The following DAB1 variants were observed in gnomAD, a reference collection of about 807,000 sequenced individuals.
The protein encoded by DAB1 is disabled homolog 1.
A neutral mutation model predicts 64.6 loss-of-function variants in DAB1; 15 were observed. That is an observed-to-expected ratio of 0.23 (90% CI 0.16 to 0.36). The LOEUF (loss-of-function observed/expected upper bound fraction) is 0.36. Ranked by LOEUF, DAB1 falls within the 10% of genes least tolerant of loss-of-function variation. DAB1 has a pLI of 1.00. For synonymous variants in DAB1, 235 were observed against 251.9 expected (o/e 0.93, Z 0.64); for missense variants, 596 against 706.7 (o/e 0.84, Z 1.78).
chr1:57,758,994 T>C (rs1412421375), intron 6 of DAB1, among the ~76,000 whole-genome samples: 4 of 152,224 alleles, frequency 2.6e-5, no homozygotes, highest in Non-Finnish European at 5.9e-5. Flanking sequence ...CTCAGCTCTT[T>C]AGCTACATTA....
chr1:58,213,003 A>G (rs1658636803), intron 4 of DAB1, among the ~76,000 whole-genome samples: 2 of 152,174 alleles, frequency 1.3e-5, no homozygotes, highest in African/African-American at 2.4e-5. Flanking sequence ...TAAAAAGCTA[A>G]AATAACTTCC....
At chr1:57,418,293 T>C (rs912784664) in intron 1 of DAB1, among the ~76,000 whole-genome samples, 1 of 151,868 alleles carries the variant, frequency 6.6e-6, no homozygotes, top group Non-Finnish European at 1.5e-5. Context: ...CTAACATGAA[T>C]AAAAACAAAG....
intron 1 of DAB1, among the ~76,000 whole-genome samples, chr1:57,348,433 T>C (rs1678296480): frequency 6.6e-6 from 1 of 152,112 alleles, no homozygotes; most frequent in South Asian, 2.1e-4. Context: ...TGCCAAATAT[T>C]CATAAGGTAG....
In DAB1 at chr1:57,415,360, A is replaced by G. The variant is rs373861562; in HGVS notation, c.-137+8570T>C. ...AACAATAAAGCTTTTAGAAGACAAC[A>G]AAGGAGAATATCTTCATGACATCAG... On this transcript the variant is annotated intron_variant, in intron 1 of 14. Transcript: ENST00000371236. Among the ~76,000 whole-genome samples, 9 of 152,190 alleles carry G rather than the reference A, an allele frequency of 5.9e-5. No individual in the cohort carries two copies. The South Asian group carries it at 1.0e-3, about 18-fold the overall frequency.
chr1:57,777,163 T>C (rs1268998707), intron 6 of DAB1, among the ~76,000 whole-genome samples: 1 of 147,488 alleles, frequency 6.8e-6, no homozygotes, highest in African/African-American at 2.5e-5. Flanking sequence ...TTTTTTTGGA[T>C]TAAAAAAAAT....
At chr1:58,414,386 A>G (rs1644697655) in intron 3 of DAB1, among the ~76,000 whole-genome samples, 2 of 152,216 alleles carry the variant, frequency 1.3e-5, no homozygotes, top group Non-Finnish European at 2.9e-5. Flanking sequence ...AGCATCTTCC[A>G]GCATAGGACT....
At chr1:57,749,563 G>A (rs905131793) in intron 6 of DAB1, among the ~76,000 whole-genome samples, 4 of 152,120 alleles carry the variant, frequency 2.6e-5, no homozygotes, top group Non-Finnish European at 5.9e-5. Context: ...CCAGTAAGCC[G>A]CAGGGCATGT....
At chr1:57,585,191 G>A (rs1645363319) in intron 7 of DAB1, among the ~76,000 whole-genome samples, 1 of 136,562 alleles carries the variant, frequency 7.3e-6, no homozygotes, top group Non-Finnish European at 1.5e-5. Context: ...GGAGGGTGCA[G>A]TGAGCCAAGA....
chr1:58,229,491 C>T (rs1369686600), intron 4 of DAB1, among the ~76,000 whole-genome samples: 1 of 152,126 alleles, frequency 6.6e-6, no homozygotes, highest in Non-Finnish European at 1.5e-5. Flanking sequence ...CCTAGGCCCT[C>T]AAGGACCTCA....
Position 58,083,213 on chromosome 1 carries a change from C to T in DAB1, n.387+67298G>A, listed in dbSNP as rs562890686. The stretch of plus-strand genomic sequence containing the variant: ...TTCATTCCTTCCACCCTCCCCACAA[C>T]CCCAATTATGGAAAAAGCAAGCTCA... On this transcript the variant is annotated intron_variant and non_coding_transcript_variant, in intron 5 of 20. Coordinates refer to the DAB1 transcript ENST00000485760. Among the ~76,000 whole-genome samples, 5 of 152,282 alleles carry T rather than the reference C, an allele frequency of 3.3e-5. No individual in the cohort carries two copies. The South Asian group carries it at 1.0e-3, about 32-fold the overall frequency.
chr1:57,626,992 C>G (rs1038734524), intron 7 of DAB1, among the ~76,000 whole-genome samples: 1 of 152,166 alleles, frequency 6.6e-6, no homozygotes, highest in Non-Finnish European at 1.5e-5. Context: ...GCACAGACTA[C>G]TACTTCTGGG....
At chr1:57,137,421 G>T (rs1658221432) in intron 3 of DAB1, among the ~76,000 whole-genome samples, 1 of 152,174 alleles carries the variant, frequency 6.6e-6, no homozygotes, top group Non-Finnish European at 1.5e-5. Flanking sequence ...ATTGCTAGAT[G>T]AATATGTGCT....
intron 7 of DAB1, among the ~76,000 whole-genome samples, chr1:57,618,410 C>CA (rs11284763): frequency 5.6e-4 from 67 of 119,806 alleles, no homozygotes; most frequent in African/African-American, 1.6e-3. Context: ...GTGAGACTGT[C>CA]AAAAAAAAAA....
At chr1:58,112,769 A>G (rs910099115) in intron 5 of DAB1, among the ~76,000 whole-genome samples, 10 of 152,222 alleles carry the variant, frequency 6.6e-5, no homozygotes, top group Non-Finnish European at 1.3e-4. Flanking sequence ...TCAGCCAGGC[A>G]TATTTTATGA....
At chr1:58,300,018 A>G (rs1662085129) in intron 4 of DAB1, among the ~76,000 whole-genome samples, 1 of 152,134 alleles carries the variant, frequency 6.6e-6, no homozygotes, top group South Asian at 2.1e-4. Flanking sequence ...GCTTAGCTCC[A>G]TGGAGTTGCT....
intron 5 of DAB1, 111 bp from the exon 6 acceptor site, chr1:57,071,752 A>G (rs1399720307): frequency 9.9e-7 from 1 of 1,014,786 alleles, no homozygotes; most frequent in East Asian, 2.7e-5. Flanking sequence ...TATTAATCTG[A>G]AAGCATTCCA....
intron 5 of DAB1, among the ~76,000 whole-genome samples, chr1:57,947,481 C>T (rs1645201346): frequency 6.6e-6 from 1 of 152,140 alleles, no homozygotes; most frequent in Admixed American, 6.6e-5. Context: ...TTAGCAGCAT[C>T]CCTAGGTCTA....
At chr1:57,085,939 C>A (rs1013485050) in intron 4 of DAB1, among the ~76,000 whole-genome samples, 1 of 151,904 alleles carries the variant, frequency 6.6e-6, no homozygotes, top group Non-Finnish European at 1.5e-5. Flanking sequence ...AGTGTGGGAG[C>A]GGTGGGGATC....
chr1:57,735,725 C>A (rs937584388), intron 6 of DAB1, among the ~76,000 whole-genome samples: 6 of 146,288 alleles, frequency 4.1e-5, no homozygotes, highest in South Asian at 2.2e-4. Flanking sequence ...TTTGTCTTGA[C>A]TTTTGTTCAC....
Sources: allele counts gnomAD v4.1 joint callset (sites outside exome capture counted in the v4.1 genomes callset), GRCh38; gene constraint gnomAD v4.1.1; transcripts MANE v1.5; gene names NCBI Gene and HGNC (gene_info 2026-07-23, HGNC 2026-07-21).